Variants in TMC4 observed in about 807,000 individuals in gnomAD.
TMC4 encodes the protein transmembrane channel like 4.
Under a neutral mutation model 82.0 loss-of-function variants are expected in TMC4, and 70 were observed. That is an observed-to-expected ratio of 0.85 (90% CI 0.70 to 1.04). TMC4 has a LOEUF of 1.04. TMC4 is among the 50% of genes least tolerant of loss of function. The pLI is 0.00. For synonymous variants in TMC4, 446 were observed against 406.0 expected (o/e 1.10, Z -1.18); for missense variants, 879 against 899.0 (o/e 0.98, Z 0.28).
At chr19:54,169,133 A>G (rs1426611226) in intron 3 of TMC4, among the ~76,000 whole-genome samples, 1 of 145,002 alleles carries the variant, frequency 6.9e-6, no homozygotes, top group Non-Finnish European at 1.5e-5. Context: ...TCCTGGGTTC[A>G]AGCAATTCTC....
At chr19:54,172,729 T>C (rs1037374816) in intron 1 of TMC4, 5 of 336,546 alleles carry the variant, frequency 1.5e-5, no homozygotes, top group African/African-American at 1.1e-4. Flanking sequence ...GGCAGTGGAG[T>C]CCAGGCTTTA....
At chr19:54,165,354 T>C in intron 6 of TMC4, 65 bp downstream of exon 6, 1 of 1,493,962 alleles carries the variant, frequency 6.7e-7, no homozygotes, top group Non-Finnish European at 9.0e-7. Context: ...TTAGGCCCTG[T>C]GCGTTATCTC....
At chr19:54,169,034 C>CT (rs2075819097) in intron 3 of TMC4, among the ~76,000 whole-genome samples, 1 of 12,474 alleles carries the variant, frequency 8.0e-5, no homozygotes, top group Non-Finnish European at 1.4e-4. Flanking sequence ...CTTTTCTTTT[C>CT]TTTTCTTTTT....
In TMC4 at chr19:54,163,881, G is replaced by A; in HGVS notation, c.1120C>T (p.Pro374Ser). The change falls in exon 8 of 15, where the codon CCC becomes TCC. Residue 374 changes from proline (P) to serine (S), a missense_variant. By Grantham distance (74) the Pro-to-Ser change is moderately conservative. Coordinates refer to ENST00000619895, the MANE Select transcript of TMC4 (RefSeq NM_144686.4). ...TGCTVELQEM[P>S]LVQELPLLKL... ...AGCAGTGGCAACTCCTGGACAAGGG[G>A]CATCTCCTGGGAGCGGGATGGACCA... The A allele has an allele frequency of 6.2e-7, 1 of 1,614,026 alleles. No homozygotes were observed. Among genetic ancestry groups the A allele is most frequent in the Non-Finnish European group, 8.5e-7 (1 of 1,180,010 alleles).
chr19:54,163,198 AC>A (rs775399764), intron 8 of TMC4, 39 bp from the exon 9 acceptor site: 3 of 1,611,562 alleles, frequency 1.9e-6, no homozygotes, highest in Non-Finnish European at 2.5e-6. Flanking sequence ...CTGACCCGGT[AC>A]CCACCATGTG....
chr19:54,160,292 G>A lies in TMC4; in HGVS notation c.*14C>T, dbSNP rs2075505730. The A allele has an allele frequency of 6.6e-7, 1 of 1,513,374 alleles. No homozygotes were observed. The allele number at this position is 1,513,374 out of a possible 1,614,324, so 93.7% of individuals were successfully genotyped here. On this transcript the variant is annotated 3_prime_UTR_variant, in exon 15 of 15. Transcript: ENST00000619895. ...TGGGCCTGGGGTCTGAAAGCGGGAC[G>A]TGGGCTGCGGGGGTCAAAGAGCCGG...
At chr19:54,162,081 A>G in intron 11 of TMC4, 21 bp downstream of exon 11, 1 of 1,591,918 alleles carries the variant, frequency 6.3e-7, no homozygotes, top group Non-Finnish European at 8.5e-7. Context: ...CTCAGACCCA[A>G]GGGTCCCCCC....
chr19:54,165,357 G>A lies in TMC4; in HGVS notation c.945+62C>T, dbSNP rs1469087840. 13 of 1,500,396 alleles carry A rather than the reference G, an allele frequency of 8.7e-6. No homozygotes were observed. In the Admixed American group the frequency reaches 1.7e-4, roughly 20 times the overall value. The allele number at this position is 1,500,396 out of a possible 1,614,324, so 92.9% of individuals were successfully genotyped here. On this transcript the variant is annotated intron_variant, in intron 6 of 14. Coordinates refer to ENST00000619895, the MANE Select transcript of TMC4 (RefSeq NM_144686.4). ...CCCATCACCGAGTTAGGCCCTGTGC[G>A]TTATCTCAGCCCGGTCCTGTCTGGT...
intron 5 of TMC4, among the ~76,000 whole-genome samples, chr19:54,166,581 A>G (rs570512545): frequency 9.9e-5 from 15 of 152,282 alleles, no homozygotes; most frequent in African/African-American, 3.4e-4. Flanking sequence ...TTCTTGAGCC[A>G]GTGGGACCTT....
In TMC4 at chr19:54,164,451, A is replaced by AC; in HGVS notation, c.1095dup (p.Cys366ValfsTer90). The AC allele has an allele frequency of 6.2e-7, 1 of 1,612,598 alleles. No homozygotes were observed. ...GTCCGCACCTGCAGCTCCACGGTGC[A>AC]CCCCGTAGCCCAGTAGACGCCATAG... On this transcript the variant is annotated frameshift_variant, in exon 7 of 15. Transcript: ENST00000619895. LOFTEE classifies it high-confidence loss of function.
chr19:54,165,035 CG>C (rs1156814744), intron 6 of TMC4, among the ~76,000 whole-genome samples: 2 of 151,754 alleles, frequency 1.3e-5, no homozygotes, highest in African/African-American at 2.4e-5. Context: ...CCTTAGGCCC[CG>C]CCCGCTTCTT....
chr19:54,168,363 C>T, intron 4 of TMC4, 71 bp from the exon 5 acceptor site: 2 of 1,527,706 alleles, frequency 1.3e-6, no homozygotes, highest in Non-Finnish European at 1.8e-6. Context: ...CAGTCAGGGT[C>T]TGGGGTCAGG....
intron 2 of TMC4, among the ~76,000 whole-genome samples, chr19:54,170,191 C>A (rs776139543): frequency 6.6e-6 from 1 of 152,206 alleles, no homozygotes; most frequent in South Asian, 2.1e-4. Context: ...ATTTGCACAA[C>A]GTTGCAGAGC....
rs1300994976 is a variant in TMC4 at position 54,168,792 on chromosome 19, TC to T, written c.443-113del. On this transcript the variant is annotated intron_variant, in intron 3 of 14. Coordinates refer to ENST00000619895, the MANE Select transcript of TMC4 (RefSeq NM_144686.4). ...CTTCCTTTCTTTCTTTCTTTTCTTT[TC>T]TTTCTTTTCTTTTCTTTTCTTTTCT... is the stretch of plus-strand genomic sequence containing the variant. 8.6e-5 allele frequency: 9 copies of T among 104,576 alleles called. 4 individuals carry two copies. The Admixed American group carries it at 1.0e-3, about 12-fold the overall frequency. 6.5% of individuals were successfully genotyped at this position (104,576 alleles called of 1,614,324 possible).
Position 54,171,886 on chromosome 19 carries a change from C to A in TMC4, c.277G>T (p.Ala93Ser). The A allele has an allele frequency of 6.2e-7, 1 of 1,607,634 alleles. No homozygotes were observed. The highest frequency in any genetic ancestry group is 8.5e-7 in the Non-Finnish European group (1 of 1,176,548). Residue 93 changes from alanine (A) to serine (S), a missense_variant, in exon 2 of 15, where the codon GCC (alanine) becomes TCC (serine). Ala to Ser is a moderately conservative substitution (Grantham distance 99, BLOSUM62 1). Transcript: ENST00000619895. ...PSRELPWPMQARRAHRQRNAS... is the reference protein window; with the variant it reads ...PSRELPWPMQSRRAHRQRNAS... Reference sequence around the variant, plus strand: ...GGGCCTCACCTGTGTGCCCGTCTGGCCTGCATGGGCCAGGGCAGTTCCCGG... The same window carrying A: ...GGGCCTCACCTGTGTGCCCGTCTGGACTGCATGGGCCAGGGCAGTTCCCGG...
chr19:54,171,929 C>A lies in TMC4; in HGVS notation c.234G>T (p.Leu78=). The A allele has an allele frequency of 6.2e-7, 1 of 1,613,660 alleles. No individual in the cohort carries two copies. Among genetic ancestry groups the A allele is most frequent in the Non-Finnish European group, 8.5e-7 (1 of 1,179,756 alleles). The change falls in exon 2 of 15, where the codon CTG becomes CTT. Residue 78 remains leucine (L), a synonymous_variant. Coordinates refer to ENST00000619895, the MANE Select transcript of TMC4 (RefSeq NM_144686.4). The part of the protein sequence containing the change: ...KAFTEVTQTE[L]QDPHPSRELP... ...GTTCCCGGGAAGGGTGAGGGTCCTG[C>A]AGCTCTGTCTGGGTGACTTCTGTGA...
rs1568728776 is a variant in TMC4, at chr19:54,163,777, A to G, written c.1224T>C (p.Ile408=). 6.2e-7 allele frequency: 1 copy of G among 1,614,026 alleles called. No individual in the cohort carries two copies. Among genetic ancestry groups the G allele is most frequent in the East Asian group, 2.2e-5 (1 of 44,880 alleles). Residue 408 remains isoleucine (I), a synonymous_variant, in exon 8 of 15, where the codon ATT becomes ATC. Coordinates refer to ENST00000619895, the MANE Select transcript of TMC4 (RefSeq NM_144686.4). The part of the protein sequence containing the change: ...NFVLPPVFKL[I]APLEGYTRSR... ...TCCGAGTGTAGCCCTCCAGTGGAGCAATGAGCTTGAACACGGGCGGCAGCA... is the reference window on the plus strand; with the variant it reads ...TCCGAGTGTAGCCCTCCAGTGGAGCGATGAGCTTGAACACGGGCGGCAGCA...
Position 54,160,859 on chromosome 19 carries a change from G to C in TMC4, c.1973+19C>G. The C allele has an allele frequency of 6.2e-7, 1 of 1,612,876 alleles. No homozygotes were observed. The highest frequency in any genetic ancestry group is 8.5e-7 in the Non-Finnish European group (1 of 1,179,560). On this transcript the variant is annotated intron_variant, in intron 13 of 14. Coordinates refer to ENST00000619895, the MANE Select transcript of TMC4 (RefSeq NM_144686.4). Reference sequence around the variant, plus strand: ...TCACACGCATTCAAACCCAGACCCAGAAGTCTGGGCCGTCTCACCTGGAGA... The same window carrying C: ...TCACACGCATTCAAACCCAGACCCACAAGTCTGGGCCGTCTCACCTGGAGA...
intron 5 of TMC4, among the ~76,000 whole-genome samples, chr19:54,166,707 A>C (rs2075713825): frequency 6.6e-6 from 1 of 151,892 alleles, no homozygotes; most frequent in Non-Finnish European, 1.5e-5. Context: ...TAATCCCAGC[A>C]CTTTGGGAGA....
Sources: gnomAD v4.1 joint callset for allele counts (sites outside exome capture counted in the v4.1 genomes callset) on GRCh38, gnomAD v4.1.1 for gene constraint, MANE v1.5 for transcripts, NCBI Gene and HGNC (gene_info 2026-07-23, HGNC 2026-07-21) for gene names.